The following PARD3 variants were observed in gnomAD, a reference collection of about 807,000 sequenced individuals.
The protein encoded by PARD3 is par-3 family cell polarity regulator, also known as partitioning defective 3 homolog.
PARD3 carries 75 observed loss-of-function variants against 155.4 expected under a neutral mutation model. The observed-to-expected ratio is 0.48, with a 90% CI of 0.40 to 0.58. The LOEUF (loss-of-function observed/expected upper bound fraction) is 0.58. Ranked by LOEUF, PARD3 falls within the 20% of genes least tolerant of loss-of-function variation. PARD3 has a pLI of 0.00. For missense variants in PARD3, 1,642 were observed against 1,721.7 expected (o/e 0.95, Z 0.82); for synonymous variants, 576 against 610.5 (o/e 0.94, Z 0.83).
chr10:34,565,039 T>C (rs572195290), intron 2 of PARD3, among the ~76,000 whole-genome samples: 1 of 151,874 alleles, frequency 6.6e-6, no homozygotes. Context: ...GCAGATTGGC[T>C]CTCAAGCCCA....
chr10:34,151,653 G>A (rs1252238366), intron 22 of PARD3, among the ~76,000 whole-genome samples: 1 of 152,120 alleles, frequency 6.6e-6, no homozygotes, highest in African/African-American at 2.4e-5. Flanking sequence ...GGGTTGAAAA[G>A]CTTCAATTTA....
At chr10:34,577,305 G>A (rs77259091) in intron 2 of PARD3, among the ~76,000 whole-genome samples, 10 of 152,290 alleles carry the variant, frequency 6.6e-5, no homozygotes, top group Middle Eastern at 3.4e-3. Flanking sequence ...TGATGCATGT[G>A]TGTTTTCTGA....
intron 3 of PARD3, among the ~76,000 whole-genome samples, chr10:34,490,394 G>C (rs554761559): frequency 2.0e-5 from 3 of 151,958 alleles, no homozygotes; most frequent in South Asian, 2.1e-4. Flanking sequence ...ACATTACAGA[G>C]AGAGAGAGAG....
chr10:34,392,387 G>A (rs1299854148), intron 7 of PARD3, among the ~76,000 whole-genome samples: 1 of 152,024 alleles, frequency 6.6e-6, no homozygotes, highest in Non-Finnish European at 1.5e-5. Flanking sequence ...ATAAACAGAT[G>A]AAAAAAATTA....
intron 12 of PARD3, among the ~76,000 whole-genome samples, chr10:34,369,303 T>G (rs12251119): frequency 0.12 from 14,325 of 123,744 alleles, 877 homozygotes; most frequent in African/African-American, 0.32. Flanking sequence ...TTTTGTGATT[T>G]ATTTATTTAT....
At chr10:34,329,277 A>AT (rs1835367700) in intron 19 of PARD3, among the ~76,000 whole-genome samples, 1 of 152,206 alleles carries the variant, frequency 6.6e-6, no homozygotes, top group Non-Finnish European at 1.5e-5. Flanking sequence ...AGCAAACTGC[A>AT]TTTTTTAAGG....
intron 22 of PARD3, among the ~76,000 whole-genome samples, chr10:34,192,346 C>A (rs1439817626): frequency 6.6e-6 from 1 of 152,186 alleles, no homozygotes; most frequent in Non-Finnish European, 1.5e-5. Flanking sequence ...GACCCTCCCA[C>A]CTTGGCCTCC....
At chr10:34,619,908 C>T (rs2091529638) in intron 2 of PARD3, among the ~76,000 whole-genome samples, 1 of 152,062 alleles carries the variant, frequency 6.6e-6, no homozygotes. Flanking sequence ...ATAAGCTTAC[C>T]TCTCTCTGTT....
chr10:34,484,796 A>G (rs2079331473), intron 3 of PARD3, among the ~76,000 whole-genome samples: 1 of 152,226 alleles, frequency 6.6e-6, no homozygotes, highest in African/African-American at 2.4e-5. Context: ...AGTGAAAAAT[A>G]ACTGCTAAAT....
Position 34,484,095 on chromosome 10 carries a change from A to C in PARD3, c.404-13832T>G, listed in dbSNP as rs974894648. ...AGCAAAATCACCAGCAAAAAGCACGAAAAACATGGCACCAAATAGCCCATG... is the reference window on the plus strand; with the variant it reads ...AGCAAAATCACCAGCAAAAAGCACGCAAAACATGGCACCAAATAGCCCATG... On this transcript the variant is annotated intron_variant, in intron 3 of 24. Transcript: ENST00000374788. Among the ~76,000 whole-genome samples, 14 of 152,336 alleles carry C rather than the reference A, an allele frequency of 9.2e-5. No individual in the cohort carries two copies. The South Asian group carries it at 2.7e-3, about 29-fold the overall frequency.
At chr10:34,191,209 AAGG>A (rs1420450331) in intron 22 of PARD3, among the ~76,000 whole-genome samples, 2 of 151,982 alleles carry the variant, frequency 1.3e-5, no homozygotes, top group Non-Finnish European at 2.9e-5. Flanking sequence ...GGCAATTTGC[AAGG>A]AGAAGAGGGC....
intron 20 of PARD3, chr10:34,312,207 C>T: frequency 1.4e-6 from 2 of 1,461,550 alleles, no homozygotes; most frequent in Non-Finnish European, 1.8e-6. Context: ...AAGGAAATTA[C>T]TAAACCATCA....
At chr10:34,131,843 T>G (rs1947633129) in intron 22 of PARD3, among the ~76,000 whole-genome samples, 1 of 152,140 alleles carries the variant, frequency 6.6e-6, no homozygotes, top group East Asian at 1.9e-4. Context: ...TCTTTAAAAG[T>G]TTCATTTCCT....
At chr10:34,244,628 T>A (rs1307628862) in intron 22 of PARD3, among the ~76,000 whole-genome samples, 1 of 152,196 alleles carries the variant, frequency 6.6e-6, no homozygotes, top group Non-Finnish European at 1.5e-5. Flanking sequence ...ATTTGTAAAG[T>A]GATATATTCT....
intron 1 of PARD3, among the ~76,000 whole-genome samples, chr10:34,742,215 C>T (rs1379395500): frequency 6.6e-6 from 1 of 152,178 alleles, no homozygotes; most frequent in East Asian, 1.9e-4. Flanking sequence ...TGACAAACTA[C>T]AAACAATCAC....
At position 34,227,859 on chromosome 10, in the gene PARD3, TA is replaced by T. The variant is rs1388087629; in HGVS notation, c.3419+41797del. ...TCCCAGTAATGGGAATTATTTTTTA[TA>T]TATATATATATATATATATATATAC... On this transcript the variant is annotated intron_variant, in intron 22 of 24. Coordinates refer to ENST00000374788, the MANE Select transcript of PARD3 (RefSeq NM_001184785.2). 2.4e-3 allele frequency among the ~76,000 whole-genome samples: 144 copies of T among 61,050 alleles called. 3 individuals are homozygous for T. In the East Asian group the frequency reaches 0.024, roughly 10 times the overall value. 40.1% of individuals were successfully genotyped at this position (61,050 alleles called of 152,430 possible).
At chr10:34,435,783 G>A (rs1256970913) in intron 5 of PARD3, among the ~76,000 whole-genome samples, 2 of 152,138 alleles carry the variant, frequency 1.3e-5, no homozygotes, top group Non-Finnish European at 1.5e-5. Flanking sequence ...AAAGCACCCC[G>A]CTTTGGGATA....
At chr10:34,499,376 T>C (rs377384429) in intron 3 of PARD3, among the ~76,000 whole-genome samples, 1 of 152,340 alleles carries the variant, frequency 6.6e-6, no homozygotes, top group Middle Eastern at 3.4e-3. Flanking sequence ...TTTTCTACGA[T>C]GATAGACTAT....
At chr10:34,454,535 T>C (rs942206887) in intron 4 of PARD3, among the ~76,000 whole-genome samples, 1 of 152,128 alleles carries the variant, frequency 6.6e-6, no homozygotes, top group African/African-American at 2.4e-5. Context: ...TTAAATCAAA[T>C]ATACATAATT....
Sources: gnomAD v4.1 joint callset for allele counts (sites outside exome capture counted in the v4.1 genomes callset) on GRCh38, gnomAD v4.1.1 for gene constraint, MANE v1.5 for transcripts, NCBI Gene and HGNC (gene_info 2026-07-23, HGNC 2026-07-21) for gene names.